RAB27A: variants seen among roughly 807,000 people sequenced by gnomAD.
The protein encoded by RAB27A is ras-related protein Rab-27A.
RAB27A carries 17 observed loss-of-function variants against 20.8 expected under a neutral mutation model. The ratio of observed to expected loss-of-function variants is 0.82; its 90% CI spans 0.56 to 1.23. The LOEUF (loss-of-function observed/expected upper bound fraction) is 1.23, where lower values mean the gene tolerates loss of function less well. RAB27A is among the 50% of genes most tolerant of loss of function. The pLI is 0.00. For synonymous variants in RAB27A, 85 were observed against 92.8 expected (o/e 0.92, Z 0.48); for missense variants, 277 against 266.7 (o/e 1.04, Z -0.27).
intron 2 of RAB27A, among the ~76,000 whole-genome samples, chr15:55,246,623 AG>A (rs1412021549): frequency 6.6e-6 from 1 of 152,038 alleles, no homozygotes; most frequent in Non-Finnish European, 1.5e-5. Context: ...AAAAAAAAAA[AG>A]CACACATAGA....
chr15:55,223,816 T>C, intron 6 of RAB27A, 73 bp downstream of exon 6: 1 of 1,576,276 alleles, frequency 6.3e-7, no homozygotes, highest in South Asian at 1.1e-5. Flanking sequence ...ACTTTTATCT[T>C]TTTCATTACC....
At chr15:55,292,913 T>A (rs2054930785), upstream of RAB27A, among the ~76,000 whole-genome samples, 1 of 152,036 alleles carries the variant, frequency 6.6e-6, no homozygotes, top group South Asian at 2.1e-4. Flanking sequence ...GCATGAGCAA[T>A]GGAAGTTCAA....
intron 2 of RAB27A, among the ~76,000 whole-genome samples, chr15:55,258,066 C>CAAAA (rs553999609): frequency 3.2e-5 from 2 of 61,968 alleles, no homozygotes; most frequent in Admixed American, 1.6e-4. Flanking sequence ...GACTCAGTCT[C>CAAAA]AAAAAAAAAA....
Position 55,204,397 on chromosome 15 carries a change from T to C in RAB27A, c.*1110A>G, listed in dbSNP as rs560464809. 2.6e-5 allele frequency: 4 copies of C among 152,358 alleles called. No homozygotes were observed. In the East Asian group the frequency reaches 7.7e-4, roughly 29 times the overall value. 9.4% of individuals were successfully genotyped at this position (152,358 alleles called of 1,614,324 possible). Reference sequence around the variant, plus strand: ...TACAGAATACTTCATTTTTCTTTTATTGAACTACAGTACAAATGTGACTGC... The same window carrying C: ...TACAGAATACTTCATTTTTCTTTTACTGAACTACAGTACAAATGTGACTGC... On this transcript the variant is annotated 3_prime_UTR_variant, in exon 7 of 7. Transcript: ENST00000336787.
At chr15:55,291,643 T>G (rs966815364), upstream of RAB27A, among the ~76,000 whole-genome samples, 1 of 151,642 alleles carries the variant, frequency 6.6e-6, no homozygotes, top group Non-Finnish European at 1.5e-5. Flanking sequence ...TGCTAATGGC[T>G]GATATGGCAC....
chr15:55,302,955 C>T lies in RAB27A; in HGVS notation c.-112+11084G>A, dbSNP rs1253505976. On this transcript the variant is annotated intron_variant, in intron 2 of 5. Coordinates refer to the RAB27A transcript ENST00000563262. ...CTGGGAAGTGAGGAGCATCTCCGCC[C>T]GGCAGCCACCCCGTCCAAGAGGGAG... is the stretch of plus-strand genomic sequence containing the variant. Among the ~76,000 whole-genome samples, 9 of 126,110 alleles carry T rather than the reference C, an allele frequency of 7.1e-5. 1 individual carries two copies. The highest frequency in any genetic ancestry group is 3.2e-4 in the East Asian group (1 of 3,094). 82.7% of individuals were successfully genotyped at this position (126,110 alleles called of 152,430 possible).
intron 6 of RAB27A, among the ~76,000 whole-genome samples, chr15:55,213,217 A>C (rs1895111574): frequency 6.6e-6 from 1 of 152,218 alleles, no homozygotes; most frequent in Non-Finnish European, 1.5e-5. Context: ...TAAATTTATT[A>C]GAACTTTAAA....
At chr15:55,250,000 C>G (rs1034159014) in intron 2 of RAB27A, among the ~76,000 whole-genome samples, 1 of 152,012 alleles carries the variant, frequency 6.6e-6, no homozygotes, top group Non-Finnish European at 1.5e-5. Flanking sequence ...CTCACTCTGT[C>G]ACCCAGGCCG....
rs565598794 is a variant in RAB27A, at chr15:55,207,054, C to T, written c.468-1349G>A. 9.2e-5 allele frequency among the ~76,000 whole-genome samples: 14 copies of T among 152,200 alleles called. 1 individual carries two copies. The South Asian group carries it at 2.7e-3, about 29-fold the overall frequency. On this transcript the variant is annotated intron_variant, in intron 6 of 6. Coordinates refer to ENST00000336787, the MANE Select transcript of RAB27A (RefSeq NM_183235.3). ...ATTACATTTGTGAAAAAATGTTCAA[C>T]CTCACCCAAAATAAGGGAAATGCAA...
chr15:55,232,105 T>G (rs1896051774), intron 3 of RAB27A, among the ~76,000 whole-genome samples: 2 of 151,986 alleles, frequency 1.3e-5, no homozygotes, highest in African/African-American at 2.4e-5. Context: ...TAAGGCAGAG[T>G]TGTAAACTGC....
chr15:55,237,207 C>A (rs148884112), intron 2 of RAB27A: 15 of 152,180 alleles, frequency 9.9e-5, no homozygotes, highest in Non-Finnish European at 1.8e-4. Context: ...TTCAGTGCTT[C>A]CTGTAGGACT....
intron 2 of RAB27A, among the ~76,000 whole-genome samples, chr15:55,256,150 C>T (rs1317311600): frequency 2.0e-5 from 3 of 152,148 alleles, no homozygotes; most frequent in Non-Finnish European, 2.9e-5. Context: ...CATGGAGGCT[C>T]ATACCTGTAA....
chr15:55,315,064 G>A (rs182381064), intron 1 of RAB27A, among the ~76,000 whole-genome samples: 2 of 152,180 alleles, frequency 1.3e-5, no homozygotes, highest in East Asian at 3.9e-4. Flanking sequence ...CCAAAACAGA[G>A]ACATAGACAA....
chr15:55,207,337 G>C (rs1045365202), intron 6 of RAB27A, among the ~76,000 whole-genome samples: 7 of 152,204 alleles, frequency 4.6e-5, no homozygotes, highest in African/African-American at 1.7e-4. Context: ...GGCAGGAAGT[G>C]AGTTACAGGG....
At chr15:55,308,313 T>C (rs114056470) in intron 2 of RAB27A, among the ~76,000 whole-genome samples, 412 of 152,342 alleles carry the variant, frequency 2.7e-3, no homozygotes, top group African/African-American at 9.5e-3. Flanking sequence ...AAATTAGGAA[T>C]TCCCCTTCTC....
intron 2 of RAB27A, among the ~76,000 whole-genome samples, chr15:55,265,888 C>G (rs1897460748): frequency 6.6e-6 from 1 of 152,162 alleles, no homozygotes; most frequent in South Asian, 2.1e-4. Flanking sequence ...AGGACTGTGA[C>G]ATGGCACTAA....
At chr15:55,214,269 T>C (rs143937894) in intron 6 of RAB27A, among the ~76,000 whole-genome samples, 5,530 of 152,272 alleles carry the variant, frequency 0.036, 100 homozygotes, top group African/African-American at 0.04. Context: ...ACCCCGTCTC[T>C]ACTAAAAATA....
At chr15:55,288,671 A>G (rs1246535544) in intron 1 of RAB27A, among the ~76,000 whole-genome samples, 2 of 152,204 alleles carry the variant, frequency 1.3e-5, no homozygotes, top group African/African-American at 4.8e-5. Context: ...GAATGAAAAC[A>G]TAAAACAACA....
At chr15:55,225,697 T>C (rs1215879291) in intron 5 of RAB27A, among the ~76,000 whole-genome samples, 2 of 152,260 alleles carry the variant, frequency 1.3e-5, no homozygotes, top group Non-Finnish European at 2.9e-5. Context: ...AGTGTGATTA[T>C]TGGTGATTTC....
Sources: allele counts gnomAD v4.1 joint callset (sites outside exome capture counted in the v4.1 genomes callset), GRCh38; gene constraint gnomAD v4.1.1; transcripts MANE v1.5; gene names NCBI Gene and HGNC (gene_info 2026-07-23, HGNC 2026-07-21).